HSF2BP: variants seen among roughly 807,000 people sequenced by gnomAD.
HSF2BP encodes heat shock transcription factor 2 binding protein.
HSF2BP carries 35 observed loss-of-function variants against 35.0 expected under a neutral mutation model. The observed-to-expected ratio is 1.00, with a 90% CI of 0.76 to 1.32. HSF2BP has a LOEUF of 1.32. Among genes scored for constraint, HSF2BP ranks in the 40% most tolerant of loss-of-function variants. HSF2BP has a pLI of 0.00. For missense variants in HSF2BP, 326 were observed against 321.7 expected (o/e 1.01, Z -0.10); for synonymous variants, 114 against 117.4 (o/e 0.97, Z 0.18).
At chr21:43,610,399 G>C (rs1399399944) in intron 7 of HSF2BP, among the ~76,000 whole-genome samples, 1 of 151,284 alleles carries the variant, frequency 6.6e-6, no homozygotes, top group Non-Finnish European at 1.5e-5. Flanking sequence ...GACAAGCCTG[G>C]GCAACAAGGT....
rs2082001012 is a variant in HSF2BP, at chr21:43,597,474, T to C, written c.693-5146A>G. Among the ~76,000 whole-genome samples the C allele has an allele frequency of 6.6e-6, 1 of 152,172 alleles. No individual in the cohort carries two copies. Among genetic ancestry groups the C allele is most frequent in the Non-Finnish European group, 1.5e-5 (1 of 68,030 alleles). On this transcript the variant is annotated intron_variant, in intron 7 of 8. Transcript: ENST00000291560. The surrounding 1 kb of genome is among the most constrained non-coding windows in gnomAD (Gnocchi z 4.3). Reference sequence around the variant, plus strand: ...ATATTTTTAAAAATGTAATGCAATATTTTAAAAAAATATATTAAAAATGCC... The same window carrying C: ...ATATTTTTAAAAATGTAATGCAATACTTTAAAAAAATATATTAAAAATGCC...
chr21:43,640,335 G>A (rs968302859), intron 4 of HSF2BP, among the ~76,000 whole-genome samples: 10 of 152,166 alleles, frequency 6.6e-5, no homozygotes, highest in South Asian at 2.1e-4. Context: ...GTTATTCTAC[G>A]TTATGACATT....
chr21:43,626,763 G>A (rs981262848), intron 6 of HSF2BP, among the ~76,000 whole-genome samples: 16 of 152,094 alleles, frequency 1.1e-4, no homozygotes, highest in East Asian at 1.9e-4. Context: ...TCTGAATCTC[G>A]TTAAGGCTGA....
intron 6 of HSF2BP, among the ~76,000 whole-genome samples, chr21:43,623,684 A>G (rs2082357041): frequency 6.6e-6 from 1 of 152,198 alleles, no homozygotes; most frequent in Non-Finnish European, 1.5e-5. Context: ...TCAAGGTTCC[A>G]GAGTGGTCTT....
chr21:43,636,911 A>G (rs1024409421), intron 4 of HSF2BP, among the ~76,000 whole-genome samples: 9 of 150,332 alleles, frequency 6.0e-5, no homozygotes, highest in Non-Finnish European at 8.8e-5. Context: ...AAAAAAAAAA[A>G]AAAGAAATAA....
At position 43,618,203 on chromosome 21, in the gene HSF2BP, C is replaced by T. The variant is rs145574068; in HGVS notation, c.575-4256G>A. Among the ~76,000 whole-genome samples the T allele has an allele frequency of 9.9e-4, 149 of 150,386 alleles. 2 individuals carry two copies. Among genetic ancestry groups the T allele is most frequent in the African/African-American group, 3.4e-3 (139 of 40,828 alleles). ...TGAACCCGGGAGTTTGAGGCTACAG[C>T]GAATTATGATCAGGCCACTGTACTC... On this transcript the variant is annotated intron_variant, in intron 6 of 8. Transcript: ENST00000291560.
At chr21:43,639,660 A>T (rs770476853) in intron 4 of HSF2BP, among the ~76,000 whole-genome samples, 1 of 151,714 alleles carries the variant, frequency 6.6e-6, no homozygotes, top group Non-Finnish European at 1.5e-5. Context: ...ACATGGAGAA[A>T]GTGAATCACT....
chr21:43,651,770 C>T lies in HSF2BP; in HGVS notation c.187+4817G>A, dbSNP rs113504835. Among the ~76,000 whole-genome samples, 636 of 152,290 alleles carry T rather than the reference C, an allele frequency of 4.2e-3. 3 individuals are homozygous for T. Among genetic ancestry groups the T allele is most frequent in the Middle Eastern group, 0.031 (9 of 294 alleles). Reference sequence around the variant, plus strand: ...ATGTGTGACTTTCACATGCCACCGCCCTGGCCTAGAATATCTCCCCTTCTC... The same window carrying T: ...ATGTGTGACTTTCACATGCCACCGCTCTGGCCTAGAATATCTCCCCTTCTC... On this transcript the variant is annotated intron_variant, in intron 3 of 8. Coordinates refer to ENST00000291560, the MANE Select transcript of HSF2BP (RefSeq NM_007031.2).
intron 7 of HSF2BP, among the ~76,000 whole-genome samples, chr21:43,612,378 G>A (rs1335959247): frequency 2.6e-5 from 4 of 152,162 alleles, no homozygotes; most frequent in African/African-American, 9.7e-5. Context: ...TAGGCCGGGC[G>A]CAGGGGCTCA....
chr21:43,630,521 G>T, intron 5 of HSF2BP, 67 bp from the exon 6 acceptor site: 1 of 1,515,358 alleles, frequency 6.6e-7, no homozygotes, highest in Non-Finnish European at 8.8e-7. Flanking sequence ...TTTTAAAAGT[G>T]CAGGATACAG....
At chr21:43,625,651 G>C (rs2082381011) in intron 6 of HSF2BP, among the ~76,000 whole-genome samples, 2 of 152,092 alleles carry the variant, frequency 1.3e-5, no homozygotes, top group South Asian at 4.1e-4. Context: ...CTAACCCATG[G>C]TCTCTATTAC....
intron 6 of HSF2BP, among the ~76,000 whole-genome samples, chr21:43,617,457 G>C (rs2146940120): frequency 6.7e-6 from 1 of 150,004 alleles, no homozygotes; most frequent in South Asian, 2.1e-4. Flanking sequence ...TGTTTTACAT[G>C]GTAATTTGTA....
intron 3 of HSF2BP, among the ~76,000 whole-genome samples, chr21:43,654,798 AGT>A (rs2147128849): frequency 6.6e-6 from 1 of 152,356 alleles, no homozygotes; most frequent in Admixed American, 6.5e-5. Flanking sequence ...TGAAGCTGTG[AGT>A]GTGCATGAGA....
chr21:43,636,894 C>CAAAA (rs34578952), intron 4 of HSF2BP, among the ~76,000 whole-genome samples: 92 of 112,020 alleles, frequency 8.2e-4, no homozygotes, highest in East Asian at 1.3e-3. Flanking sequence ...CGTCTCAAAA[C>CAAAA]AAAAAAAAAA....
At position 43,597,770 on chromosome 21, in the gene HSF2BP, G is replaced by C. The variant is rs2082004086; in HGVS notation, c.693-5442C>G. 6.6e-6 allele frequency among the ~76,000 whole-genome samples: 1 copy of C among 152,182 alleles called. No homozygotes were observed. Among genetic ancestry groups the C allele is most frequent in the South Asian group, 2.1e-4 (1 of 4,826 alleles). ...GGCCTCAGGCAATTTTCCCACGTCG[G>C]CCTCCCAAAGTGCTGGGATTACAGG... On this transcript the variant is annotated intron_variant, in intron 7 of 8. Coordinates refer to ENST00000291560, the MANE Select transcript of HSF2BP (RefSeq NM_007031.2). The surrounding 1 kb of genome is among the most constrained non-coding windows in gnomAD (Gnocchi z 4.3).
intron 7 of HSF2BP, among the ~76,000 whole-genome samples, chr21:43,607,574 T>TG (rs946108405): frequency 5.3e-5 from 8 of 152,196 alleles, no homozygotes; most frequent in Non-Finnish European, 1.2e-4. Flanking sequence ...ACATCATTTT[T>TG]CATAGAATTA....
intron 4 of HSF2BP, among the ~76,000 whole-genome samples, chr21:43,641,231 C>A (rs913407302): frequency 1.3e-5 from 2 of 152,212 alleles, no homozygotes; most frequent in Admixed American, 6.5e-5. Flanking sequence ...GATCTCCTGA[C>A]CTTATGATCC....
chr21:43,656,761 T>C (rs777743213), intron 2 of HSF2BP, 24 bp from the exon 3 acceptor site: 2 of 1,593,808 alleles, frequency 1.3e-6, no homozygotes, highest in East Asian at 2.2e-5. Context: ...CAGATCTTAT[T>C]ATATTTCTCT....
At chr21:43,607,907 A>G (rs2082154137) in intron 7 of HSF2BP, among the ~76,000 whole-genome samples, 1 of 152,234 alleles carries the variant, frequency 6.6e-6, no homozygotes, top group Non-Finnish European at 1.5e-5. Context: ...TAAACGAATG[A>G]AACTGGACCA....
Sources: gnomAD v4.1 joint callset for allele counts (sites outside exome capture counted in the v4.1 genomes callset) on GRCh38, gnomAD v4.1.1 for gene constraint, Gnocchi (gnomAD v3.1) non-coding constraint, MANE v1.5 for transcripts, NCBI Gene and HGNC (gene_info 2026-07-23, HGNC 2026-07-21) for gene names.